The following MRPL48 variants were observed in gnomAD, a reference collection of about 807,000 sequenced individuals.
The protein encoded by MRPL48 is large ribosomal subunit protein mL48.
In MRPL48, 16 loss-of-function variants were observed where a neutral mutation model predicts 32.9. The observed-to-expected ratio is 0.49, with a 90% CI of 0.33 to 0.74. The LOEUF (loss-of-function observed/expected upper bound fraction) is 0.74. Ranked by LOEUF, MRPL48 falls within the 30% of genes least tolerant of loss-of-function variation. MRPL48 has a pLI of 0.02. For missense variants in MRPL48, 206 were observed against 245.3 expected (o/e 0.84, Z 1.07); for synonymous variants, 94 against 89.2 (o/e 1.05, Z -0.31).
At chr11:73,862,397 G>C (rs143939323) in intron 6 of MRPL48, among the ~76,000 whole-genome samples, 2,399 of 152,070 alleles carry the variant, frequency 0.016, 55 homozygotes, top group African/African-American at 0.055. Context: ...ACTCCAGCCT[G>C]GGCAACAAGA....
chr11:73,812,132 C>T (rs1043985246), intron 3 of MRPL48, among the ~76,000 whole-genome samples: 11 of 152,072 alleles, frequency 7.2e-5, no homozygotes, highest in African/African-American at 2.2e-4. Flanking sequence ...GTGATCCAAC[C>T]GCCTCGGCCT....
intron 1 of MRPL48, among the ~76,000 whole-genome samples, chr11:73,792,888 T>A (rs932950830): frequency 2.2e-4 from 33 of 152,240 alleles, no homozygotes; most frequent in Non-Finnish European, 3.5e-4. Context: ...TTATCTAATT[T>A]AATCATGTCA....
At chr11:73,836,481 G>A (rs1481892853) in intron 4 of MRPL48, among the ~76,000 whole-genome samples, 1 of 152,170 alleles carries the variant, frequency 6.6e-6, no homozygotes, top group Non-Finnish European at 1.5e-5. Context: ...TTACAGGCAT[G>A]AGCCACCGTG....
At chr11:73,818,997 G>A (rs768316492) in intron 3 of MRPL48, among the ~76,000 whole-genome samples, 1 of 152,148 alleles carries the variant, frequency 6.6e-6, no homozygotes, top group Admixed American at 6.6e-5. Flanking sequence ...TCTCTCAGGA[G>A]GCTGCAATGT....
chr11:73,853,842 C>T (rs1247026502), intron 5 of MRPL48, among the ~76,000 whole-genome samples: 1 of 151,840 alleles, frequency 6.6e-6, no homozygotes, highest in Non-Finnish European at 1.5e-5. Context: ...AGGTCCCTGC[C>T]ACCACGCCTG....
At chr11:73,842,836 G>C (rs942258251) in intron 4 of MRPL48, 1 of 152,554 alleles carries the variant, frequency 6.6e-6, no homozygotes, top group Non-Finnish European at 1.5e-5. Context: ...TTTTGAAACA[G>C]GATCTCACTC....
intron 1 of MRPL48, among the ~76,000 whole-genome samples, chr11:73,799,142 G>C (rs1440914663): frequency 6.6e-6 from 1 of 152,106 alleles, no homozygotes; most frequent in Non-Finnish European, 1.5e-5. Flanking sequence ...TAAACTCCTT[G>C]TAAGCTTTGG....
chr11:73,841,651 G>A (rs1948188491), intron 4 of MRPL48, among the ~76,000 whole-genome samples: 1 of 152,060 alleles, frequency 6.6e-6, no homozygotes, highest in South Asian at 2.1e-4. Flanking sequence ...ATCTTTTTAG[G>A]GTACTGGTAA....
intron 5 of MRPL48, 106 bp from the exon 6 acceptor site, chr11:73,859,801 C>A: frequency 1.2e-6 from 1 of 868,674 alleles, no homozygotes; most frequent in Non-Finnish European, 1.8e-6. Context: ...CCCCTACATT[C>A]CGGGAACTAT....
Position 73,814,125 on chromosome 11 carries a change from G to T in MRPL48, c.112+5775G>T, listed in dbSNP as rs192762392. ...TATGTGGTCCAGACCAGGTGTAGTG[G>T]GTTACGCTTATAACCTCAGCACTTT... is the stretch of plus-strand genomic sequence containing the variant. On this transcript the variant is annotated intron_variant, in intron 3 of 7. Coordinates refer to ENST00000310614, the MANE Select transcript of MRPL48 (RefSeq NM_016055.6). Among the ~76,000 whole-genome samples the T allele has an allele frequency of 7.8e-4, 119 of 151,946 alleles. 1 individual carries two copies. Among genetic ancestry groups the T allele is most frequent in the African/African-American group, 2.7e-3 (112 of 41,468 alleles).
At chr11:73,860,755 T>C (rs1005891145) in intron 6 of MRPL48, among the ~76,000 whole-genome samples, 7 of 152,228 alleles carry the variant, frequency 4.6e-5, no homozygotes, top group Non-Finnish European at 2.9e-5. Flanking sequence ...ATTTGAAGTA[T>C]ACAATAAAAA....
intron 4 of MRPL48, chr11:73,842,563 C>T (rs1447965050): frequency 2.6e-5 from 4 of 152,236 alleles, no homozygotes; most frequent in Admixed American, 1.3e-4. Context: ...ACCTCCGCCT[C>T]CCGGGTTCAA....
chr11:73,837,918 C>G lies in MRPL48; in HGVS notation c.202-6889C>G, dbSNP rs540815510. 3.3e-5 allele frequency among the ~76,000 whole-genome samples: 5 copies of G among 152,298 alleles called. No homozygotes were observed. In the South Asian group the frequency reaches 8.3e-4, roughly 25 times the overall value. On this transcript the variant is annotated intron_variant, in intron 4 of 7. Transcript: ENST00000310614. ...GCTGGAGTGCAGTCAGTGGCATGAT[C>G]TTGGCTCACTGCAACCTCTGCTTCA...
intron 7 of MRPL48, 24 bp from the exon 8 acceptor site, chr11:73,864,272 T>A: frequency 6.2e-7 from 1 of 1,608,964 alleles, no homozygotes; most frequent in Non-Finnish European, 8.5e-7. Context: ...TAATTACCGC[T>A]TATTTTCTTT....
At chr11:73,801,802 A>G (rs971663886) in intron 1 of MRPL48, among the ~76,000 whole-genome samples, 7 of 152,200 alleles carry the variant, frequency 4.6e-5, no homozygotes, top group Non-Finnish European at 8.8e-5. Context: ...TTGTAAAGGT[A>G]TTATGATTTA....
chr11:73,795,162 C>T (rs978828436), intron 1 of MRPL48, among the ~76,000 whole-genome samples: 1 of 152,208 alleles, frequency 6.6e-6, no homozygotes, highest in South Asian at 2.1e-4. Context: ...CCAGTCCGCC[C>T]GCCTCGGCTT....
At chr11:73,832,927 T>A (rs7929572) in intron 4 of MRPL48, among the ~76,000 whole-genome samples, 8,370 of 152,252 alleles carry the variant, frequency 0.055, 254 homozygotes, top group Middle Eastern at 0.11. Flanking sequence ...CTGTAAAAAG[T>A]GTAAAGTCTG....
chr11:73,821,697 T>C (rs1246718286), intron 3 of MRPL48, among the ~76,000 whole-genome samples: 4 of 152,168 alleles, frequency 2.6e-5, no homozygotes, highest in Non-Finnish European at 5.9e-5. Flanking sequence ...TTGATATTAG[T>C]GTCTGTCTTC....
chr11:73,847,820 T>G (rs1421632059), intron 5 of MRPL48, among the ~76,000 whole-genome samples: 5 of 152,126 alleles, frequency 3.3e-5, no homozygotes, highest in African/African-American at 1.2e-4. Context: ...CCACAAATGA[T>G]CCACCCACCG....
Sources: gnomAD v4.1 joint callset for allele counts (sites outside exome capture counted in the v4.1 genomes callset) on GRCh38, gnomAD v4.1.1 for gene constraint, MANE v1.5 for transcripts, NCBI Gene and HGNC (gene_info 2026-07-23, HGNC 2026-07-21) for gene names.